ITGBL1: variants seen among roughly 807,000 people sequenced by gnomAD.
ITGBL1 encodes integrin beta-like protein 1.
ITGBL1 carries 51 observed loss-of-function variants against 68.5 expected under a neutral mutation model. The ratio of observed to expected loss-of-function variants is 0.74; its 90% CI spans 0.59 to 0.94. ITGBL1 has a LOEUF of 0.94. ITGBL1 is among the 40% of genes least tolerant of loss of function. The pLI, the probability that ITGBL1 is intolerant of heterozygous loss-of-function variation, is 0.00. For missense variants in ITGBL1, 649 were observed against 647.4 expected, an observed-to-expected ratio of 1.00 and a Z score of -0.03; for synonymous variants, 209 against 227.3, an observed-to-expected ratio of 0.92 and a Z score of 0.72.
chr13:101,585,273 T>A (rs1202147519), intron 6 of ITGBL1, among the ~76,000 whole-genome samples: 1 of 152,100 alleles, frequency 6.6e-6, no homozygotes, highest in African/African-American at 2.4e-5. Flanking sequence ...TTTCTAGACA[T>A]CTCCAGCATA....
At chr13:101,579,207 G>T in intron 4 of ITGBL1, 80 bp from the exon 5 acceptor site, 2 of 1,490,926 alleles carry the variant, frequency 1.3e-6, no homozygotes. Flanking sequence ...AGGCAAAAAT[G>T]ATCACAAAGA....
intron 2 of ITGBL1, among the ~76,000 whole-genome samples, chr13:101,536,999 T>G (rs2139174221): frequency 6.6e-6 from 1 of 152,080 alleles, no homozygotes; most frequent in Non-Finnish European, 1.5e-5. Context: ...TGATGAAAAC[T>G]TATCTACATT....
chr13:101,471,007 G>T (rs557719356), intron 2 of ITGBL1, among the ~76,000 whole-genome samples: 45 of 152,180 alleles, frequency 3.0e-4, no homozygotes, highest in Non-Finnish European at 4.9e-4. Flanking sequence ...TGTGCAATCA[G>T]TCACTTTGTT....
intron 7 of ITGBL1, among the ~76,000 whole-genome samples, chr13:101,625,399 AC>A (rs777106548): frequency 1.3e-5 from 2 of 152,328 alleles, no homozygotes; most frequent in Non-Finnish European, 2.9e-5. Flanking sequence ...CCGGCCAGGA[AC>A]AAATCATATA....
chr13:101,458,925 C>A (rs898824684), intron 2 of ITGBL1, among the ~76,000 whole-genome samples: 1 of 151,918 alleles, frequency 6.6e-6, no homozygotes, highest in Non-Finnish European at 1.5e-5. Context: ...ACGGGAGAGG[C>A]AATAAGAACA....
At chr13:101,718,023 A>AT (rs1251467904), downstream of ITGBL1, 1 of 152,150 alleles carries the variant, frequency 6.6e-6, no homozygotes, top group African/African-American at 2.4e-5. Flanking sequence ...TTATCATACC[A>AT]TAAAAAGTTC....
intron 7 of ITGBL1, among the ~76,000 whole-genome samples, chr13:101,651,973 A>G (rs571706835): frequency 6.6e-5 from 10 of 152,252 alleles, no homozygotes; most frequent in South Asian, 2.1e-4. Flanking sequence ...TGAAGATCAG[A>G]TGGTTATAGA....
At chr13:101,513,535 A>C (rs2139116762) in intron 2 of ITGBL1, among the ~76,000 whole-genome samples, 1 of 152,284 alleles carries the variant, frequency 6.6e-6, no homozygotes, top group South Asian at 2.1e-4. Flanking sequence ...CAAAAATTTT[A>C]TCCAACGTAT....
At chr13:101,587,277 C>A (rs185533143) in intron 6 of ITGBL1, among the ~76,000 whole-genome samples, 1 of 152,282 alleles carries the variant, frequency 6.6e-6, no homozygotes, top group East Asian at 1.9e-4. Context: ...CTGCACCCAC[C>A]AAATAAATCA....
rs933759529 is a variant in ITGBL1, at chr13:101,671,428, T to G, written c.1016-21157T>G. 9.0e-5 allele frequency among the ~76,000 whole-genome samples: 6 copies of G among 66,884 alleles called. 1 individual carries two copies. The highest frequency in any genetic ancestry group is 3.8e-4 in the Admixed American group (2 of 5,328). 43.9% of individuals were successfully genotyped at this position (66,884 alleles called of 152,430 possible). On this transcript the variant is annotated intron_variant, in intron 7 of 10. Transcript: ENST00000376180. ...CTATTTGACAAAAGTATACCTTTGTTTTTTTTTTGTTTTTTTTTGTTTTTT... is the reference window on the plus strand; with the variant it reads ...CTATTTGACAAAAGTATACCTTTGTGTTTTTTTTGTTTTTTTTTGTTTTTT...
At chr13:101,686,312 C>T (rs1322680935) in intron 7 of ITGBL1, among the ~76,000 whole-genome samples, 2 of 152,022 alleles carry the variant, frequency 1.3e-5, no homozygotes, top group African/African-American at 4.8e-5. Flanking sequence ...GGTTTAGTCT[C>T]TCATATATGG....
At chr13:101,542,083 C>G (rs1459832405) in intron 2 of ITGBL1, among the ~76,000 whole-genome samples, 3 of 152,082 alleles carry the variant, frequency 2.0e-5, no homozygotes, top group African/African-American at 7.2e-5. Flanking sequence ...TTAGTTATTT[C>G]TTGCCTTCTG....
At chr13:101,699,933 A>T (rs1400176264) in intron 8 of ITGBL1, among the ~76,000 whole-genome samples, 1 of 152,142 alleles carries the variant, frequency 6.6e-6, no homozygotes, top group Non-Finnish European at 1.5e-5. Flanking sequence ...TTGTCATTTC[A>T]TGAGACAACA....
chr13:101,464,736 A>C (rs540619438), intron 2 of ITGBL1, among the ~76,000 whole-genome samples: 1 of 152,164 alleles, frequency 6.6e-6, no homozygotes, highest in Non-Finnish European at 1.5e-5. Flanking sequence ...TACGCCATAC[A>C]TATGTGAATA....
rs565944753 is a variant in ITGBL1 at position 101,686,989 on chromosome 13, T to A, written c.1016-5596T>A. On this transcript the variant is annotated intron_variant, in intron 7 of 10. Transcript: ENST00000376180. Reference sequence around the variant, plus strand: ...TGTTCTAGTAAATTTTAGCTGTCTATATATTCTATTAAACAATTATTACAT... The same window carrying A: ...TGTTCTAGTAAATTTTAGCTGTCTAAATATTCTATTAAACAATTATTACAT... Among the ~76,000 whole-genome samples the A allele has an allele frequency of 9.8e-5, 15 of 152,296 alleles. No individual in the cohort carries two copies. In the South Asian group the frequency reaches 2.9e-3, roughly 29 times the overall value.
chr13:101,520,496 G>A (rs1270464260), intron 2 of ITGBL1, among the ~76,000 whole-genome samples: 1 of 152,106 alleles, frequency 6.6e-6, no homozygotes, highest in African/African-American at 2.4e-5. Context: ...TAATCATCTG[G>A]CCTTGGAAGT....
At chr13:101,516,117 AAG>A (rs1286038658) in intron 2 of ITGBL1, among the ~76,000 whole-genome samples, 2 of 152,156 alleles carry the variant, frequency 1.3e-5, no homozygotes, top group Admixed American at 6.6e-5. Context: ...TCTTTAGAAA[AAG>A]AGAATAAAAA....
intron 7 of ITGBL1, among the ~76,000 whole-genome samples, chr13:101,684,709 C>T (rs1594978986): frequency 1.3e-5 from 2 of 151,642 alleles, no homozygotes; most frequent in Admixed American, 6.6e-5. Context: ...CATATTCTAC[C>T]GACAAAGACA....
intron 2 of ITGBL1, among the ~76,000 whole-genome samples, chr13:101,467,308 G>C (rs1246417138): frequency 1.3e-5 from 2 of 152,198 alleles, no homozygotes; most frequent in African/African-American, 4.8e-5. Flanking sequence ...GGGAAATTTA[G>C]CTTCCAAACC....
Sources: gnomAD v4.1 joint callset for allele counts (sites outside exome capture counted in the v4.1 genomes callset) on GRCh38, gnomAD v4.1.1 for gene constraint, MANE v1.5 for transcripts, NCBI Gene and HGNC (gene_info 2026-07-23, HGNC 2026-07-21) for gene names.